The following MAML3 variants were observed in gnomAD, a reference collection of about 807,000 sequenced individuals.
The protein encoded by MAML3 is mastermind-like protein 3.
In MAML3, 27 loss-of-function variants were observed where a neutral mutation model predicts 101.9. That is an observed-to-expected ratio of 0.27 (90% CI 0.20 to 0.37). MAML3 has a LOEUF of 0.37. MAML3 is among the 10% of genes least tolerant of loss of function. The pLI is 1.00. For synonymous variants in MAML3, 501 were observed against 555.9 expected (o/e 0.90, Z 1.39); for missense variants, 1,316 against 1,444.9 (o/e 0.91, Z 1.45).
At chr4:139,846,060 C>A (rs1414063264) in intron 2 of MAML3, among the ~76,000 whole-genome samples, 3 of 152,060 alleles carry the variant, frequency 2.0e-5, no homozygotes, top group Admixed American at 1.3e-4. Flanking sequence ...TTGACAGTGA[C>A]AAAAAATCCA....
chr4:139,893,680 G>A (rs1257419997), intron 1 of MAML3, among the ~76,000 whole-genome samples: 1 of 152,190 alleles, frequency 6.6e-6, no homozygotes, highest in Non-Finnish European at 1.5e-5. Context: ...GGTTTTGGGA[G>A]TGATAGATCT....
intron 1 of MAML3, among the ~76,000 whole-genome samples, chr4:139,944,126 T>G (rs1329217318): frequency 6.6e-6 from 1 of 152,022 alleles, no homozygotes; most frequent in African/African-American, 2.4e-5. Context: ...TGCCTCGGCC[T>G]CCCAAAGTGC....
chr4:140,023,683 A>G (rs1726773517), intron 1 of MAML3, among the ~76,000 whole-genome samples: 1 of 152,266 alleles, frequency 6.6e-6, no homozygotes, highest in African/African-American at 2.4e-5. Flanking sequence ...TTTAATAAAC[A>G]TAATTCACCC....
rs779963671 is a variant in MAML3, at chr4:140,152,845, C to T, written c.468+15G>A. 3.7e-6 allele frequency: 6 copies of T among 1,602,896 alleles called. No homozygotes were observed. Among genetic ancestry groups the T allele is most frequent in the Non-Finnish European group, 3.4e-6 (4 of 1,174,016 alleles). On this transcript the variant is annotated intron_variant, in intron 1 of 4. Coordinates refer to ENST00000509479, the MANE Select transcript of MAML3 (RefSeq NM_018717.5). ...CCCAACGCGCGCCGCAAGCCCGCTG[C>T]CCGTGCGCCCTCACCATGATCAGCG...
At chr4:140,139,979 A>G (rs574293499) in intron 1 of MAML3, among the ~76,000 whole-genome samples, 1 of 152,318 alleles carries the variant, frequency 6.6e-6, no homozygotes, top group South Asian at 2.1e-4. Flanking sequence ...AATTAAGGAA[A>G]AGTTGTAGGT....
At chr4:140,074,156 G>A (rs371203998) in intron 1 of MAML3, among the ~76,000 whole-genome samples, 6 of 115,816 alleles carry the variant, frequency 5.2e-5, no homozygotes, top group African/African-American at 1.8e-4. Context: ...GAAAGAAAGA[G>A]AGAGAGAAAG....
At position 139,850,603 on chromosome 4, in the gene MAML3, G is replaced by A. The variant is rs112127071; in HGVS notation, c.2079+38754C>T. 8.4e-3 allele frequency among the ~76,000 whole-genome samples: 1,270 copies of A among 151,556 alleles called. 12 individuals are homozygous for A. Among genetic ancestry groups the A allele is most frequent in the African/African-American group, 0.029 (1,200 of 41,268 alleles). On this transcript the variant is annotated intron_variant, in intron 2 of 4. Transcript: ENST00000509479. Reference sequence around the variant, plus strand: ...TGCTGGAGTGCAGTGGCACAATCTCGGCTCACTGCAACCTCTGCTTTCCGG... The same window carrying A: ...TGCTGGAGTGCAGTGGCACAATCTCAGCTCACTGCAACCTCTGCTTTCCGG...
intron 1 of MAML3, among the ~76,000 whole-genome samples, chr4:139,935,720 T>C (rs1279182158): frequency 1.3e-5 from 2 of 152,116 alleles, no homozygotes; most frequent in African/African-American, 2.4e-5. Flanking sequence ...TTTTGTGCTT[T>C]CTGCTAATTT....
At chr4:140,007,845 A>T (rs1726476417) in intron 1 of MAML3, among the ~76,000 whole-genome samples, 1 of 152,108 alleles carries the variant, frequency 6.6e-6, no homozygotes, top group African/African-American at 2.4e-5. Flanking sequence ...CTTGCACTGA[A>T]ACCTCCTGCC....
chr4:139,961,333 C>T (rs768512324), intron 1 of MAML3, among the ~76,000 whole-genome samples: 1 of 152,208 alleles, frequency 6.6e-6, no homozygotes, highest in Non-Finnish European at 1.5e-5. Context: ...ACAAATTATT[C>T]CTACTTTTCC....
chr4:139,970,507 G>A (rs924262648), intron 1 of MAML3, among the ~76,000 whole-genome samples: 1 of 152,160 alleles, frequency 6.6e-6, no homozygotes, highest in Non-Finnish European at 1.5e-5. Flanking sequence ...TGGAGCATGG[G>A]TTTTAAAAAT....
intron 1 of MAML3, among the ~76,000 whole-genome samples, chr4:140,067,414 G>A (rs181311366): frequency 2.2e-4 from 33 of 152,288 alleles, no homozygotes; most frequent in Non-Finnish European, 3.8e-4. Context: ...AACAAGGTTA[G>A]GGAGGGAGAC....
intron 1 of MAML3, among the ~76,000 whole-genome samples, chr4:140,048,987 A>T (rs1203584416): frequency 6.6e-6 from 1 of 152,224 alleles, no homozygotes; most frequent in Non-Finnish European, 1.5e-5. Flanking sequence ...TCAAAGATTC[A>T]TAGCAAGAGA....
At position 139,958,182 on chromosome 4, in the gene MAML3, C is replaced by T. The variant is rs1424062885; in HGVS notation, c.469-67215G>A. On this transcript the variant is annotated intron_variant, in intron 1 of 4. Coordinates refer to ENST00000509479, the MANE Select transcript of MAML3 (RefSeq NM_018717.5). ...TTATTTATGAATGTCTTCATTTATC[C>T]ATTTCCTCTTTTTTGTGTTTCTGGC... Among the ~76,000 whole-genome samples, 9 of 152,078 alleles carry T rather than the reference C, an allele frequency of 5.9e-5. No individual in the cohort carries two copies. The East Asian group carries it at 1.7e-3, about 29-fold the overall frequency.
Position 139,798,014 on chromosome 4 carries a change from AAGGAAAGAAAG to A in MAML3, c.2080-67358_2080-67348del, listed in dbSNP as rs1730540947. On this transcript the variant is annotated intron_variant, in intron 2 of 4. Coordinates refer to ENST00000509479, the MANE Select transcript of MAML3 (RefSeq NM_018717.5). ...CACTTAAGAAAAAAAGAAAGAAAGG[AAGGAAAGAAAG>A]GAGAGAGAGAGAAAGAAAGAAAGAA... 4.7e-5 allele frequency among the ~76,000 whole-genome samples: 7 copies of A among 148,248 alleles called. No homozygotes were observed. The East Asian group carries it at 1.4e-3, about 29-fold the overall frequency.
At chr4:140,047,093 G>A (rs1358279441) in intron 1 of MAML3, among the ~76,000 whole-genome samples, 1 of 152,148 alleles carries the variant, frequency 6.6e-6, no homozygotes, top group Non-Finnish European at 1.5e-5. Context: ...AACTGCATTT[G>A]AGATGGGCTT....
intron 1 of MAML3, among the ~76,000 whole-genome samples, chr4:139,931,198 G>A (rs575648681): frequency 6.6e-6 from 1 of 152,286 alleles, no homozygotes; most frequent in African/African-American, 2.4e-5. Flanking sequence ...CGCCAGCAGA[G>A]CATTAAAACA....
At chr4:140,139,355 T>C (rs1349755390) in intron 1 of MAML3, among the ~76,000 whole-genome samples, 1 of 152,202 alleles carries the variant, frequency 6.6e-6, no homozygotes, top group Non-Finnish European at 1.5e-5. Flanking sequence ...ACATTTTTCT[T>C]TAAAGAAACG....
chr4:140,039,044 G>C (rs954082835), intron 1 of MAML3, among the ~76,000 whole-genome samples: 19 of 152,142 alleles, frequency 1.2e-4, no homozygotes, highest in African/African-American at 4.6e-4. Context: ...CCTTGAACCT[G>C]GGAGGTGGAG....
Sources: gnomAD v4.1 joint callset for allele counts (sites outside exome capture counted in the v4.1 genomes callset) on GRCh38, gnomAD v4.1.1 for gene constraint, MANE v1.5 for transcripts, NCBI Gene and HGNC (gene_info 2026-07-23, HGNC 2026-07-21) for gene names.